HYDIN: variants seen among roughly 807,000 people sequenced by gnomAD.
HYDIN encodes HYDIN axonemal central pair apparatus protein, also known as axonemal central pair apparatus protein HYDIN.
In HYDIN, 132 loss-of-function variants were observed where a neutral mutation model predicts 403.9. The observed-to-expected ratio is 0.33, with a 90% CI of 0.28 to 0.38. HYDIN has a LOEUF of 0.38. Among genes scored for constraint, HYDIN ranks in the 10% least tolerant of loss-of-function variants. HYDIN has a pLI of 1.00. For synonymous variants in HYDIN, 1,202 were observed against 1,891.7 expected (o/e 0.64, Z 9.46); for missense variants, 2,827 against 5,009.5 (o/e 0.56, Z 13.15).
Position 70,904,518 on chromosome 16 carries a change from T to TTTTTTTTTTTTTTTTTTG in HYDIN, c.8517-455_8517-454insCAAAAAAAAAAAAAAAAA, listed in dbSNP as rs767375464. On this transcript the variant is annotated intron_variant, in intron 50 of 85. Coordinates refer to ENST00000393567, the MANE Select transcript of HYDIN (RefSeq NM_001270974.2). ...TTTTTTTTTTTTTTTTTTTTTTTTT[T>TTTTTTTTTTTTTTTTTTG]TGAGGGAGTTTCGTTCTTGTTGCCC... Among the ~76,000 whole-genome samples the TTTTTTTTTTTTTTTTTTG allele has an allele frequency of 5.3e-3, 198 of 37,012 alleles. 79 individuals are homozygous for TTTTTTTTTTTTTTTTTTG. Among genetic ancestry groups the TTTTTTTTTTTTTTTTTTG allele is most frequent in the Non-Finnish European group, 8.4e-3 (161 of 19,124 alleles). 24.3% of individuals were successfully genotyped at this position (37,012 alleles called of 152,430 possible). A position where few individuals can be genotyped will look rare whatever the true frequency, so the allele number is the denominator to read the frequency against.
In HYDIN at chr16:70,804,950, G is replaced by A. The variant is rs1290759343; in HGVS notation, c.*2630C>T. ...CTGGCTATAAGCCATGCTGGGGCTG[G>A]TGGCATGTTAGACAAGATTTCAGAC... On this transcript the variant is annotated 3_prime_UTR_variant, in exon 86 of 86. Coordinates refer to ENST00000393567, the MANE Select transcript of HYDIN (RefSeq NM_001270974.2). Among the ~76,000 whole-genome samples the A allele has an allele frequency of 6.6e-6, 1 of 152,244 alleles. No individual in the cohort carries two copies.
chr16:71,174,238 C>T (rs773843812), intron 5 of HYDIN, among the ~76,000 whole-genome samples: 25 of 152,056 alleles, frequency 1.6e-4, no homozygotes, highest in Admixed American at 4.6e-4. Flanking sequence ...AATTTTTAAC[C>T]ACTCACCACA....
intron 1 of HYDIN, among the ~76,000 whole-genome samples, chr16:71,218,535 T>G (rs72795725): frequency 8.7e-4 from 133 of 152,358 alleles, no homozygotes; most frequent in Non-Finnish European, 1.3e-3. Context: ...AACCATCTGT[T>G]TAATTGTAAT....
At chr16:71,110,498 C>CAT (rs914668924) in intron 10 of HYDIN, among the ~76,000 whole-genome samples, 7 of 137,320 alleles carry the variant, frequency 5.1e-5, no homozygotes, top group East Asian at 2.0e-4. Flanking sequence ...ATATATATTT[C>CAT]ATATATATAT....
chr16:71,073,691 A>G (rs1478751248), intron 13 of HYDIN, among the ~76,000 whole-genome samples: 1 of 152,162 alleles, frequency 6.6e-6, no homozygotes, highest in Non-Finnish European at 1.5e-5. Context: ...CTCCTGAAAA[A>G]TAGTGGGTTT....
At chr16:71,067,507 T>C (rs898759511) in intron 14 of HYDIN, 117 bp from the exon 15 acceptor site, 7 of 528,820 alleles carry the variant, frequency 1.3e-5, no homozygotes, top group South Asian at 1.1e-4. Context: ...TTTATGGATA[T>C]ATAGCATTTT....
chr16:70,829,524 A>G lies in HYDIN; in HGVS notation c.14112+94T>C, dbSNP rs1377291419. The G allele has an allele frequency of 4.0e-4, 362 of 909,312 alleles. 1 individual carries two copies. The highest frequency in any genetic ancestry group is 3.0e-4 in the Admixed American group (15 of 49,428). 56.3% of individuals were successfully genotyped at this position (909,312 alleles called of 1,614,324 possible). A position where few individuals can be genotyped will look rare whatever the true frequency, so the allele number is the denominator to read the frequency against. ...GCTGGGATTACAGGCATGAGCCACC[A>G]CGCCCAGCCCCAAAGTGTCTTTTAA... is the stretch of plus-strand genomic sequence containing the variant. On this transcript the variant is annotated intron_variant, in intron 81 of 85. Transcript: ENST00000393567.
chr16:71,047,491 C>T (rs548287091), intron 18 of HYDIN, among the ~76,000 whole-genome samples: 1 of 152,210 alleles, frequency 6.6e-6, no homozygotes, highest in South Asian at 2.1e-4. Flanking sequence ...CAAACCTTTG[C>T]TTCTGGAAGT....
chr16:71,082,729 C>T (rs1512619), intron 12 of HYDIN, among the ~76,000 whole-genome samples: 7,849 of 73,154 alleles, frequency 0.11, 804 homozygotes, highest in East Asian at 0.31. Context: ...GTGACATGCA[C>T]GACTACTCTG....
At chr16:70,867,088 A>C (rs2143638991) in intron 66 of HYDIN, among the ~76,000 whole-genome samples, 1 of 150,294 alleles carries the variant, frequency 6.7e-6, no homozygotes, top group East Asian at 1.9e-4. Flanking sequence ...GCAGACAAAT[A>C]ATATGAACAG....
chr16:71,115,576 C>T (rs1166520405), intron 10 of HYDIN, 120 bp downstream of exon 10: 2 of 625,392 alleles, frequency 3.2e-6, no homozygotes. Context: ...TAATCAATAT[C>T]ATGTACCGCC....
chr16:70,872,422 C>CACCCATCATCT (rs1187092596), intron 64 of HYDIN, among the ~76,000 whole-genome samples: 28 of 146,514 alleles, frequency 1.9e-4, no homozygotes, highest in Middle Eastern at 3.4e-3. Context: ...ATCATCCACC[C>CACCCATCATCT]ACCCATCATC....
At chr16:70,938,485 C>G in intron 44 of HYDIN, 129 bp downstream of exon 44, 1 of 726,290 alleles carries the variant, frequency 1.4e-6, no homozygotes, top group Non-Finnish European at 2.3e-6. Context: ...TGCAGGTCAC[C>G]TTCCAGGGCC....
At chr16:70,860,018 T>C in intron 71 of HYDIN, 50 bp downstream of exon 71, 5 of 1,547,570 alleles carry the variant, frequency 3.2e-6, no homozygotes, top group South Asian at 1.1e-5. Context: ...CACACAGCAA[T>C]GGCTAGAGTG....
chr16:70,915,198 G>T (rs535699009), intron 47 of HYDIN, among the ~76,000 whole-genome samples: 35 of 152,078 alleles, frequency 2.3e-4, no homozygotes, highest in Admixed American at 2.0e-3. Flanking sequence ...TGATTTTGGG[G>T]GGCTACTAAA....
intron 83 of HYDIN, among the ~76,000 whole-genome samples, chr16:70,826,417 C>T (rs2036591791): frequency 6.6e-6 from 1 of 151,908 alleles, no homozygotes; most frequent in Admixed American, 6.6e-5. Flanking sequence ...AATAGCTTAT[C>T]CTTATTTCAT....
At chr16:71,183,858 G>C (rs1203647514) in intron 3 of HYDIN, among the ~76,000 whole-genome samples, 1 of 152,048 alleles carries the variant, frequency 6.6e-6, no homozygotes, top group Non-Finnish European at 1.5e-5. Flanking sequence ...TAAAGTATCT[G>C]ATTTCCTCAT....
At chr16:71,223,680 A>C (rs2040904023) in intron 1 of HYDIN, among the ~76,000 whole-genome samples, 2 of 152,208 alleles carry the variant, frequency 1.3e-5, no homozygotes, top group South Asian at 4.1e-4. Flanking sequence ...AAACATGAAG[A>C]GACATTTCTC....
In HYDIN at chr16:70,874,503, T is replaced by A. The variant is rs752780872; in HGVS notation, c.10750A>T (p.Met3584Leu). The change falls in exon 64 of 86, where the codon ATG (methionine) becomes TTG (leucine). Residue 3584 changes from methionine (M) to leucine (L), a missense_variant. Transcript: ENST00000393567. ...ACTGACAAGTGGATGATACCTCTCATCCTCCCAACCTTCTGGGAGTGGAAA... is the reference window on the plus strand; with the variant it reads ...ACTGACAAGTGGATGATACCTCTCAACCTCCCAACCTTCTGGGAGTGGAAA... Reference protein sequence around the residue: ...VVFHSQKVGRMRGIIHLSVIN... With the variant: ...VVFHSQKVGRLRGIIHLSVIN... 1.0e-5 allele frequency: 6 copies of A among 575,528 alleles called. No individual in the cohort carries two copies. The highest frequency in any genetic ancestry group is 1.8e-5 in the Non-Finnish European group (6 of 335,314). The allele number at this position is 575,528 out of a possible 1,614,324, so 35.7% of individuals were successfully genotyped here. A position where few individuals can be genotyped will look rare whatever the true frequency, so the allele number is the denominator to read the frequency against.
Sources: allele counts gnomAD v4.1 joint callset (sites outside exome capture counted in the v4.1 genomes callset), GRCh38; gene constraint gnomAD v4.1.1; transcripts MANE v1.5; gene names NCBI Gene and HGNC (gene_info 2026-07-23, HGNC 2026-07-21).